The following FBXL17 variants were observed in gnomAD, a reference collection of about 807,000 sequenced individuals.
FBXL17 encodes F-box/LRR-repeat protein 17.
FBXL17 carries 22 observed loss-of-function variants against 66.2 expected under a neutral mutation model. That is an observed-to-expected ratio of 0.33 (90% confidence interval 0.24 to 0.47). The LOEUF is 0.47. Among genes scored for constraint, FBXL17 ranks in the 20% least tolerant of loss-of-function variants. The pLI is 1.00. For synonymous variants in FBXL17, 474 were observed against 400.5 expected (o/e 1.18, Z -2.19); for missense variants, 878 against 948.2 (o/e 0.93, Z 0.97).
At chr5:108,313,437 C>T (rs763641081) in intron 4 of FBXL17, among the ~76,000 whole-genome samples, 9 of 152,078 alleles carry the variant, frequency 5.9e-5, no homozygotes, top group Non-Finnish European at 1.0e-4. Flanking sequence ...GTAAGAAGTC[C>T]ACCACTGTGT....
At chr5:108,146,038 G>A (rs1580510076) in intron 6 of FBXL17, among the ~76,000 whole-genome samples, 1 of 151,914 alleles carries the variant, frequency 6.6e-6, no homozygotes, top group East Asian at 1.9e-4. Context: ...CTAACACAGT[G>A]AAATCCTGTC....
At chr5:108,030,835 T>C (rs976191498) in intron 6 of FBXL17, among the ~76,000 whole-genome samples, 1 of 152,124 alleles carries the variant, frequency 6.6e-6, no homozygotes, top group Admixed American at 6.6e-5. Flanking sequence ...TAAATGTGCC[T>C]GGAATCAGTT....
chr5:108,273,807 G>T (rs566177729), intron 4 of FBXL17, among the ~76,000 whole-genome samples: 72 of 152,102 alleles, frequency 4.7e-4, no homozygotes, highest in Non-Finnish European at 9.1e-4. Context: ...GAATTAAATA[G>T]ACACATAGCT....
At chr5:108,372,442 C>A (rs1331933623) in intron 1 of FBXL17, among the ~76,000 whole-genome samples, 3 of 152,064 alleles carry the variant, frequency 2.0e-5, no homozygotes, top group Admixed American at 1.3e-4. Context: ...GAATTCCAAG[C>A]AGGATAAATG....
At chr5:108,198,901 T>G (rs999154203) in intron 5 of FBXL17, among the ~76,000 whole-genome samples, 6 of 152,118 alleles carry the variant, frequency 3.9e-5, no homozygotes, top group Non-Finnish European at 7.4e-5. Flanking sequence ...TCCTTGATAT[T>G]AAATAATATG....
At chr5:108,380,630 G>A (rs960544236) in intron 1 of FBXL17, 69 bp downstream of exon 1, 4 of 993,940 alleles carry the variant, frequency 4.0e-6, no homozygotes, top group African/African-American at 3.4e-5. Context: ...GGAGGAGAGA[G>A]AAAGCCTCGG....
At chr5:108,024,134 G>A (rs1258404294) in intron 6 of FBXL17, among the ~76,000 whole-genome samples, 1 of 152,054 alleles carries the variant, frequency 6.6e-6, no homozygotes, top group African/African-American at 2.4e-5. Flanking sequence ...GGATCAGTAG[G>A]TTCAAAGATT....
intron 6 of FBXL17, among the ~76,000 whole-genome samples, chr5:108,165,261 A>G (rs1752373806): frequency 6.6e-6 from 1 of 152,234 alleles, no homozygotes; most frequent in Admixed American, 6.5e-5. Context: ...CCAATTGCAA[A>G]ATATTACAGA....
intron 4 of FBXL17, among the ~76,000 whole-genome samples, chr5:108,293,339 C>T (rs1351423722): frequency 6.6e-6 from 1 of 152,062 alleles, no homozygotes; most frequent in African/African-American, 2.4e-5. Context: ...CTACTGAAAG[C>T]TTTCACATCT....
Position 108,241,559 on chromosome 5 carries a change from G to C in FBXL17, c.1507-17331C>G, listed in dbSNP as rs1452561266. On this transcript the variant is annotated intron_variant, in intron 4 of 8. Coordinates refer to ENST00000542267, the MANE Select transcript of FBXL17 (RefSeq NM_001163315.3). The stretch of plus-strand genomic sequence containing the variant: ...TTGCCTTTAAAAGGAAGTAGAGAGA[G>C]AGAGCAGTAGAAAGTTTATTCAAAG... 2.0e-5 allele frequency among the ~76,000 whole-genome samples: 3 copies of C among 152,264 alleles called. No individual in the cohort carries two copies. The East Asian group carries it at 5.8e-4, about 29-fold the overall frequency.
chr5:108,245,127 A>G (rs1307712214), intron 4 of FBXL17, among the ~76,000 whole-genome samples: 1 of 152,188 alleles, frequency 6.6e-6, no homozygotes, highest in Non-Finnish European at 1.5e-5. Flanking sequence ...GACTTGATTT[A>G]AATGTATAAT....
intron 6 of FBXL17, among the ~76,000 whole-genome samples, chr5:108,032,905 G>C (rs1207770724): frequency 6.6e-6 from 1 of 152,104 alleles, no homozygotes; most frequent in African/African-American, 2.4e-5. Flanking sequence ...ACATGTTAAT[G>C]GCAATTAAGA....
intron 4 of FBXL17, among the ~76,000 whole-genome samples, chr5:108,315,331 C>T (rs1759310872): frequency 6.6e-6 from 1 of 151,268 alleles, no homozygotes; most frequent in Admixed American, 6.6e-5. Context: ...ATAGTAACAT[C>T]ATCAAGATTC....
At chr5:107,960,216 T>C (rs79807718) in intron 7 of FBXL17, among the ~76,000 whole-genome samples, 3,892 of 152,274 alleles carry the variant, frequency 0.026, 164 homozygotes, top group African/African-American at 0.086. Context: ...CAATAGTTAC[T>C]CATTCATCTA....
intron 6 of FBXL17, among the ~76,000 whole-genome samples, chr5:108,042,306 A>C (rs1057438859): frequency 6.6e-6 from 1 of 152,220 alleles, no homozygotes; most frequent in African/African-American, 2.4e-5. Context: ...TTGCAAAATT[A>C]TAGTAGAATA....
chr5:108,073,763 T>G (rs1214438070), intron 6 of FBXL17, among the ~76,000 whole-genome samples: 4 of 152,060 alleles, frequency 2.6e-5, no homozygotes. Context: ...TAAAAGAGCC[T>G]GGCACTTCCT....
chr5:108,291,065 T>C (rs781349335), intron 4 of FBXL17, among the ~76,000 whole-genome samples: 9 of 152,132 alleles, frequency 5.9e-5, no homozygotes, highest in Non-Finnish European at 1.2e-4. Context: ...GAACATAGCA[T>C]CCAAAACCTA....
At chr5:107,894,061 T>TA (rs748911556) in intron 7 of FBXL17, among the ~76,000 whole-genome samples, 2 of 152,214 alleles carry the variant, frequency 1.3e-5, no homozygotes, top group Admixed American at 1.3e-4. Context: ...TAGGAGTTGA[T>TA]ATAATTTGCC....
At chr5:107,922,219 A>G (rs1185505849) in intron 7 of FBXL17, among the ~76,000 whole-genome samples, 1 of 152,214 alleles carries the variant, frequency 6.6e-6, no homozygotes, top group Non-Finnish European at 1.5e-5. Context: ...ATGAAAGTCT[A>G]TGGGACTATT....
Sources: allele counts gnomAD v4.1 joint callset (sites outside exome capture counted in the v4.1 genomes callset), GRCh38; gene constraint gnomAD v4.1.1; transcripts MANE v1.5; gene names NCBI Gene and HGNC (gene_info 2026-07-23, HGNC 2026-07-21).